Variants in CTNND1 observed in about 807,000 individuals in gnomAD.
CTNND1 encodes catenin delta 1.
CTNND1 carries 16 observed loss-of-function variants against 112.1 expected under a neutral mutation model. The ratio of observed to expected loss-of-function variants is 0.14; its 90% CI spans 0.10 to 0.22. CTNND1 has a LOEUF of 0.22. Ranked by LOEUF, CTNND1 falls within the 10% of genes least tolerant of loss-of-function variation. CTNND1 has a pLI of 1.00. For synonymous variants in CTNND1, 420 were observed against 446.5 expected (o/e 0.94, Z 0.75); for missense variants, 1,008 against 1,257.0 (o/e 0.80, Z 3.00).
At chr11:57,769,424 A>G (rs975357136) in intron 1 of CTNND1, among the ~76,000 whole-genome samples, 13 of 152,004 alleles carry the variant, frequency 8.6e-5, no homozygotes, top group Non-Finnish European at 1.6e-4. Flanking sequence ...AGCTGGGACT[A>G]CAGGCACACA....
At chr11:57,796,399 A>AT in intron 5 of CTNND1, 58 bp from the exon 6 acceptor site, 2 of 1,452,760 alleles carry the variant, frequency 1.4e-6, no homozygotes, top group Non-Finnish European at 1.8e-6. Flanking sequence ...AAAAAAAAAA[A>AT]GAATTTAATT....
intron 1 of CTNND1, among the ~76,000 whole-genome samples, chr11:57,787,892 CTGAGT>C (rs1202462458): frequency 6.6e-6 from 1 of 152,228 alleles, no homozygotes; most frequent in Non-Finnish European, 1.5e-5. Context: ...ACCTAGAGCC[CTGAGT>C]ATTTTTCCTA....
Position 57,803,608 on chromosome 11 carries a change from TTG to T in CTNND1, c.1421-11_1421-10del. ...GAATGCTCAAGAGCCATCTGATGAA[TTG>T]TCTCTTCCAGGAACCCTGTGGAATC... On this transcript the variant is annotated splice_polypyrimidine_tract_variant and intron_variant, in intron 7 of 20. Coordinates refer to ENST00000399050, the MANE Select transcript of CTNND1 (RefSeq NM_001085458.2). The T allele has an allele frequency of 6.3e-7, 1 of 1,599,590 alleles. No homozygotes were observed. Among genetic ancestry groups the T allele is most frequent in the Non-Finnish European group, 8.5e-7 (1 of 1,171,970 alleles).
chr11:57,819,144 C>T lies in CTNND1; in HGVS notation c.*2836C>T, dbSNP rs1453677896. 4 of 151,988 alleles carry T rather than the reference C, an allele frequency of 2.6e-5. No homozygotes were observed. Among genetic ancestry groups the T allele is most frequent in the East Asian group, 1.9e-4 (1 of 5,190 alleles). 9.4% of individuals were successfully genotyped at this position (151,988 alleles called of 1,614,324 possible). On this transcript the variant is annotated 3_prime_UTR_variant, in exon 21 of 21. Transcript: ENST00000399050. ...TTTATGTGAAATGCTTTCTGTATGCCCAAATCTTTAGATTAAAATTATATA... is the reference window on the plus strand; with the variant it reads ...TTTATGTGAAATGCTTTCTGTATGCTCAAATCTTTAGATTAAAATTATATA...
Position 57,803,624 on chromosome 11 carries a change from C to T in CTNND1, c.1424C>T (p.Thr475Ile), listed in dbSNP as rs368949463. ...TCTGATGAATTGTCTCTTCCAGGAA[C>T]CCTGTGGAATCTTTCATCCCATGAC... Reference protein sequence around the residue: ...DMDLTEVITGTLWNLSSHDSI... With the variant: ...DMDLTEVITGILWNLSSHDSI... Residue 475 changes from threonine to isoleucine, a missense_variant, in exon 8 of 21, where the codon ACC becomes ATC. Thr to Ile is a moderately conservative substitution (Grantham distance 89). Around this residue, in one of 5 missense-constraint regions of CTNND1, gnomAD observed 216 missense variants for 342.8 expected, o/e 0.63. Coordinates refer to ENST00000399050, the MANE Select transcript of CTNND1 (RefSeq NM_001085458.2). 37 of 1,607,722 alleles carry T rather than the reference C, an allele frequency of 2.3e-5. No individual in the cohort carries two copies. The highest frequency in any genetic ancestry group is 2.9e-5 in the Non-Finnish European group (34 of 1,177,098).
chr11:57,770,190 C>T (rs961738082), intron 1 of CTNND1, among the ~76,000 whole-genome samples: 8 of 151,652 alleles, frequency 5.3e-5, no homozygotes, highest in African/African-American at 1.9e-4. Flanking sequence ...ATTAGCCGGG[C>T]GTGGTGGCGG....
At chr11:57,767,958 C>G (rs908314428) in intron 1 of CTNND1, among the ~76,000 whole-genome samples, 1 of 151,802 alleles carries the variant, frequency 6.6e-6, no homozygotes, top group Non-Finnish European at 1.5e-5. Flanking sequence ...CTCAGCCTCC[C>G]GAGTAGCTGG....
chr11:57,815,748 A>G lies in CTNND1; in HGVS notation c.2809-167A>G, dbSNP rs933485250. ...ACTAACACTAACTGATCTACTTTCA[A>G]ACATTACCTTTTTCCTCTCCCTCCC... On this transcript the variant is annotated intron_variant, in intron 19 of 20. Coordinates refer to ENST00000399050, the MANE Select transcript of CTNND1 (RefSeq NM_001085458.2). 8 of 769,696 alleles carry G rather than the reference A, an allele frequency of 1.0e-5. No homozygotes were observed. The African/African-American group carries it at 1.4e-4, about 13-fold the overall frequency. The allele number at this position is 769,696 out of a possible 1,614,324, so 47.7% of individuals were successfully genotyped here.
At chr11:57,765,144 A>T (rs2135868529) in intron 1 of CTNND1, among the ~76,000 whole-genome samples, 1 of 152,290 alleles carries the variant, frequency 6.6e-6, no homozygotes, top group East Asian at 1.9e-4. Context: ...GAATGATAGG[A>T]TATCATCAAC....
intron 1 of CTNND1, among the ~76,000 whole-genome samples, chr11:57,767,096 C>T (rs1951290291): frequency 6.6e-6 from 1 of 152,056 alleles, no homozygotes; most frequent in African/African-American, 2.4e-5. Flanking sequence ...CTCAGCCTCC[C>T]AAGTAGCTGG....
intron 1 of CTNND1, among the ~76,000 whole-genome samples, chr11:57,781,088 G>C (rs886406423): frequency 6.6e-6 from 1 of 152,142 alleles, no homozygotes; most frequent in African/African-American, 2.4e-5. Flanking sequence ...ACAGGCATCT[G>C]CCACCACGCC....
rs751811150 is a variant in CTNND1 at position 57,815,637 on chromosome 11, T to G, written c.2808+137T>G. On this transcript the variant is annotated intron_variant, in intron 19 of 20. Transcript: ENST00000399050. ...AGGGGTTTTCAGGAAAAAGTAAGAG[T>G]TCTGACTCATGTTGGGATTTCTTGG... The G allele has an allele frequency of 3.5e-6, 3 of 856,000 alleles. No individual in the cohort carries two copies. The African/African-American group carries it at 5.0e-5, about 14-fold the overall frequency. The allele number at this position is 856,000 out of a possible 1,614,324, so 53.0% of individuals were successfully genotyped here.
chr11:57,806,380 G>C, intron 10 of CTNND1, 81 bp from the exon 11 acceptor site: 1 of 1,297,750 alleles, frequency 7.7e-7, no homozygotes, highest in Non-Finnish European at 1.1e-6. Flanking sequence ...ATTTGCCCAT[G>C]ATTCTGCTGA....
chr11:57,783,964 G>A (rs940862449), intron 1 of CTNND1, among the ~76,000 whole-genome samples: 2 of 151,680 alleles, frequency 1.3e-5, no homozygotes, highest in African/African-American at 4.8e-5. Flanking sequence ...TTACTCTGTC[G>A]CCCAGGTGGC....
rs538585093 is a variant in CTNND1 at position 57,801,853 on chromosome 11, A to G, written c.1077A>G (p.Pro359=). ...SLDSLRKGGP[P]PPNWRQPELP... Reference sequence around the variant, plus strand: ...ATAGCCTGCGCAAAGGAGGGCCTCCACCTCCTAATTGGAGACAGCCAGAGC... The same window carrying G: ...ATAGCCTGCGCAAAGGAGGGCCTCCGCCTCCTAATTGGAGACAGCCAGAGC... Residue 359 remains proline, a synonymous_variant, in exon 7 of 21, where the codon CCA becomes CCG. Coordinates refer to ENST00000399050, the MANE Select transcript of CTNND1 (RefSeq NM_001085458.2). The G allele has an allele frequency of 2.5e-5, 41 of 1,613,960 alleles. No homozygotes were observed. The South Asian group carries it at 4.1e-4, about 16-fold the overall frequency.
chr11:57,770,795 C>A (rs1325440589), intron 1 of CTNND1, among the ~76,000 whole-genome samples: 1 of 152,270 alleles, frequency 6.6e-6, no homozygotes, highest in East Asian at 1.9e-4. Flanking sequence ...ATACCTTTAT[C>A]AAAGCACCTG....
At chr11:57,789,917 C>T (rs1250806182) in intron 2 of CTNND1, among the ~76,000 whole-genome samples, 1 of 152,130 alleles carries the variant, frequency 6.6e-6, no homozygotes, top group African/African-American at 2.4e-5. Flanking sequence ...TCCTACTTCC[C>T]AAGGAGGTGA....
At chr11:57,797,449 T>C (rs1186044919) in intron 6 of CTNND1, among the ~76,000 whole-genome samples, 1 of 147,720 alleles carries the variant, frequency 6.8e-6, no homozygotes, top group Non-Finnish European at 1.5e-5. Flanking sequence ...CAGGCTGGTC[T>C]CAAACTCCCG....
intron 6 of CTNND1, among the ~76,000 whole-genome samples, chr11:57,797,857 A>C (rs903599773): frequency 2.3e-4 from 35 of 150,442 alleles, no homozygotes; most frequent in Non-Finnish European, 3.4e-4. Context: ...AAAAAAAAAA[A>C]AAAAAACAAC....
Sources: gnomAD v4.1 joint callset for allele counts (sites outside exome capture counted in the v4.1 genomes callset) on GRCh38, gnomAD v4.1.1 for gene constraint, gnomAD v4.1.1 regional missense constraint, MANE v1.5 for transcripts, NCBI Gene and HGNC (gene_info 2026-07-23, HGNC 2026-07-21) for gene names.